Variants in PKN2 observed in about 807,000 individuals in gnomAD.
PKN2 encodes the protein serine/threonine-protein kinase N2.
In PKN2, 38 loss-of-function variants were observed where a neutral mutation model predicts 119.1. The ratio of observed to expected loss-of-function variants is 0.32; its 90% CI spans 0.25 to 0.42. The LOEUF (loss-of-function observed/expected upper bound fraction) is 0.42. Ranked by LOEUF, PKN2 falls within the 10% of genes least tolerant of loss-of-function variation. The pLI is 1.00. For missense variants in PKN2, 850 were observed against 1,165.1 expected (o/e 0.73, Z 3.94); for synonymous variants, 390 against 384.9 (o/e 1.01, Z -0.15).
chr1:88,744,609 G>A (rs1037536999), intron 2 of PKN2, among the ~76,000 whole-genome samples: 11 of 152,022 alleles, frequency 7.2e-5, no homozygotes, highest in Admixed American at 2.0e-4. Flanking sequence ...TTTAGTAGAG[G>A]CAGGGTTTCA....
At chr1:88,768,313 A>T (rs1570600502) in intron 3 of PKN2, among the ~76,000 whole-genome samples, 3 of 152,340 alleles carry the variant, frequency 2.0e-5, no homozygotes. Flanking sequence ...AGCTTAAATC[A>T]AGGTGTTGGC....
chr1:88,709,417 G>A (rs1359221652), intron 1 of PKN2, among the ~76,000 whole-genome samples: 1 of 152,084 alleles, frequency 6.6e-6, no homozygotes. Flanking sequence ...TATGGCAGGG[G>A]AAGATAGACA....
rs1159982893 is a variant in PKN2, at chr1:88,833,929, C to T, written c.*481C>T. 6.6e-6 allele frequency: 1 copy of T among 151,526 alleles called. No homozygotes were observed. Among genetic ancestry groups the T allele is most frequent in the Non-Finnish European group, 1.5e-5 (1 of 67,994 alleles). 9.4% of individuals were successfully genotyped at this position (151,526 alleles called of 1,614,324 possible). On this transcript the variant is annotated 3_prime_UTR_variant, in exon 22 of 22. Coordinates refer to ENST00000370521, the MANE Select transcript of PKN2 (RefSeq NM_006256.4). ...ATGCTCCTTTTTTTAAAAAAAAAGA[C>T]ATTACTGTAATATCAAAAACCGTGG...
chr1:88,687,553 A>T (rs1395411240), intron 1 of PKN2, among the ~76,000 whole-genome samples: 1 of 152,242 alleles, frequency 6.6e-6, no homozygotes, highest in Non-Finnish European at 1.5e-5. Context: ...GTAATTTTGT[A>T]GAATGCAGAC....
intron 1 of PKN2, among the ~76,000 whole-genome samples, chr1:88,702,560 AGT>A (rs949416195): frequency 2.6e-5 from 4 of 152,218 alleles, no homozygotes; most frequent in Non-Finnish European, 4.4e-5. Flanking sequence ...TGAGATCAAC[AGT>A]AAAAAAAGAT....
At chr1:88,690,308 G>A (rs1490604298) in intron 1 of PKN2, among the ~76,000 whole-genome samples, 1 of 152,178 alleles carries the variant, frequency 6.6e-6, no homozygotes, top group Non-Finnish European at 1.5e-5. Context: ...AAATAAAGTA[G>A]TAGTTTGTAA....
intron 3 of PKN2, among the ~76,000 whole-genome samples, chr1:88,763,232 T>C (rs1216584235): frequency 2.0e-5 from 3 of 152,178 alleles, no homozygotes; most frequent in Non-Finnish European, 4.4e-5. Context: ...TGTGATTACC[T>C]TAAAAGATAG....
rs753681572 is a variant in PKN2 at position 88,833,640 on chromosome 1, C to T, written c.*192C>T. ...AAAGTGGCTCCTCATTGTACTTCAG[C>T]GTAAATATGAGCACTGGAAACAGTT... On this transcript the variant is annotated 3_prime_UTR_variant, in exon 22 of 22. Transcript: ENST00000370521. 5 of 555,962 alleles carry T rather than the reference C, an allele frequency of 9.0e-6. No individual in the cohort carries two copies. Among genetic ancestry groups the T allele is most frequent in the South Asian group, 7.0e-5 (3 of 42,916 alleles). The allele number at this position is 555,962 out of a possible 1,614,324, so 34.4% of individuals were successfully genotyped here.
At chr1:88,832,684 G>T in intron 19 of PKN2, 60 bp from the exon 20 acceptor site, 1 of 845,168 alleles carries the variant, frequency 1.2e-6, no homozygotes, top group East Asian at 2.5e-5. Context: ...ACTTTGAATG[G>T]GTGATAAGAT....
chr1:88,824,251 A>G (rs1211345702), intron 17 of PKN2, 59 bp from the exon 18 acceptor site: 4 of 854,624 alleles, frequency 4.7e-6, no homozygotes, highest in East Asian at 2.4e-5. Flanking sequence ...TTTTAACTGT[A>G]TAACCTACTG....
intron 1 of PKN2, chr1:88,685,042 A>T (rs1417716615): frequency 5.8e-6 from 1 of 173,140 alleles, no homozygotes; most frequent in East Asian, 1.5e-4. Context: ...ACCGCTCCTT[A>T]AACTCCTTTG....
chr1:88,774,505 G>A (rs957779727), intron 6 of PKN2, among the ~76,000 whole-genome samples: 9 of 152,212 alleles, frequency 5.9e-5, no homozygotes, highest in East Asian at 5.8e-4. Context: ...ACAAAGGCAC[G>A]CCTATCACTG....
At chr1:88,820,269 T>C (rs1488743960) in intron 16 of PKN2, among the ~76,000 whole-genome samples, 1 of 140,500 alleles carries the variant, frequency 7.1e-6, no homozygotes, top group Non-Finnish European at 1.5e-5. Flanking sequence ...GCACCATGGC[T>C]CATGCCTGTA....
At chr1:88,712,045 A>G (rs1667253328) in intron 1 of PKN2, among the ~76,000 whole-genome samples, 1 of 152,140 alleles carries the variant, frequency 6.6e-6, no homozygotes, top group Non-Finnish European at 1.5e-5. Context: ...GCTAAGGTGA[A>G]TAAACTTTAG....
chr1:88,732,594 G>A (rs974866452), intron 1 of PKN2, among the ~76,000 whole-genome samples: 2 of 152,100 alleles, frequency 1.3e-5, no homozygotes, highest in African/African-American at 4.8e-5. Flanking sequence ...AAGGGAGTCT[G>A]TCTGTGCCCA....
At chr1:88,830,324 G>T (rs972971342) in intron 19 of PKN2, among the ~76,000 whole-genome samples, 1 of 152,126 alleles carries the variant, frequency 6.6e-6, no homozygotes, top group African/African-American at 2.4e-5. Flanking sequence ...CTGTTGTGCA[G>T]TGTTTAGGTT....
chr1:88,691,756 A>C (rs74749520), intron 1 of PKN2, among the ~76,000 whole-genome samples: 1 of 152,298 alleles, frequency 6.6e-6, no homozygotes, highest in East Asian at 1.9e-4. Flanking sequence ...TCAGTTACCC[A>C]TGGTCAACTG....
At chr1:88,708,844 T>G (rs1288395108) in intron 1 of PKN2, among the ~76,000 whole-genome samples, 1 of 152,100 alleles carries the variant, frequency 6.6e-6, no homozygotes, top group African/African-American at 2.4e-5. Context: ...ATTTACAGAA[T>G]ATAGGCAGAT....
At chr1:88,735,612 C>CCCA (rs1668314460) in intron 1 of PKN2, among the ~76,000 whole-genome samples, 1 of 77,130 alleles carries the variant, frequency 1.3e-5, no homozygotes, top group Non-Finnish European at 2.7e-5. Flanking sequence ...ACCCCCCCCC[C>CCCA]CCCCACCCCC....
Sources: allele counts gnomAD v4.1 joint callset (sites outside exome capture counted in the v4.1 genomes callset), GRCh38; gene constraint gnomAD v4.1.1; transcripts MANE v1.5; gene names NCBI Gene and HGNC (gene_info 2026-07-23, HGNC 2026-07-21).